Variants in TRIM24 observed in about 807,000 individuals in gnomAD.
TRIM24 encodes tripartite motif containing 24, also known as transcription intermediary factor 1-alpha.
TRIM24 carries 29 observed loss-of-function variants against 123.9 expected under a neutral mutation model. The observed-to-expected ratio is 0.23, with a 90% confidence interval of 0.17 to 0.32. The LOEUF (loss-of-function observed/expected upper bound fraction) is 0.32, where lower values mean the gene tolerates loss of function less well. TRIM24 is among the 10% of genes least tolerant of loss of function. The pLI, the probability that TRIM24 is intolerant of heterozygous loss-of-function variation, is 1.00. For missense variants in TRIM24, 932 were observed against 1,295.3 expected (o/e 0.72, Z 4.31); for synonymous variants, 456 against 461.1 (o/e 0.99, Z 0.14).
chr7:138,511,999 T>C (rs766713049), intron 2 of TRIM24, among the ~76,000 whole-genome samples: 1 of 152,212 alleles, frequency 6.6e-6, no homozygotes, highest in Non-Finnish European at 1.5e-5. Context: ...AATACTCCCA[T>C]TCCAAAATGG....
intron 9 of TRIM24, among the ~76,000 whole-genome samples, chr7:138,561,035 C>T (rs1797416664): frequency 1.3e-5 from 2 of 152,148 alleles, no homozygotes; most frequent in African/African-American, 4.8e-5. Context: ...TTGCCCCCAG[C>T]AGTTAAGGGT....
Position 138,516,818 on chromosome 7 carries a change from T to G in TRIM24, c.631+1459T>G, listed in dbSNP as rs983908744. Among the ~76,000 whole-genome samples the G allele has an allele frequency of 1.7e-4, 26 of 151,672 alleles. 1 individual carries two copies. Among genetic ancestry groups the G allele is most frequent in the Admixed American group, 9.8e-4 (15 of 15,240 alleles). On this transcript the variant is annotated intron_variant, in intron 3 of 18. Coordinates refer to ENST00000343526, the MANE Select transcript of TRIM24 (RefSeq NM_015905.3). ...AAATGTAGCAAAACCGTTTTGTTTTTTTTTTTTTTTTGAGACTAGTGAAAG... is the reference window on the plus strand; with the variant it reads ...AAATGTAGCAAAACCGTTTTGTTTTGTTTTTTTTTTTGAGACTAGTGAAAG...
chr7:138,472,072 A>G (rs545995645), intron 1 of TRIM24, among the ~76,000 whole-genome samples: 190 of 152,274 alleles, frequency 1.2e-3, no homozygotes, highest in South Asian at 2.7e-3. Flanking sequence ...TAGATAGTGA[A>G]AGCCAGATTG....
At chr7:138,573,981 G>A (rs1309591227) in intron 12 of TRIM24, among the ~76,000 whole-genome samples, 3 of 152,132 alleles carry the variant, frequency 2.0e-5, no homozygotes, top group Admixed American at 1.3e-4. Flanking sequence ...TTTTTTGGTA[G>A]AGACAGTCTT....
chr7:138,573,702 T>G, intron 12 of TRIM24, 60 bp downstream of exon 12: 2 of 1,541,340 alleles, frequency 1.3e-6, no homozygotes, highest in Non-Finnish European at 1.7e-6. Flanking sequence ...TTACTTGGAA[T>G]AAAAAATTAC....
chr7:138,469,443 A>G (rs1468027223), intron 1 of TRIM24, among the ~76,000 whole-genome samples: 2 of 151,338 alleles, frequency 1.3e-5, no homozygotes, highest in Non-Finnish European at 2.9e-5. Context: ...CAAGTAGCTG[A>G]GATTACAGGC....
chr7:138,515,765 G>A (rs1796381543), intron 3 of TRIM24, among the ~76,000 whole-genome samples: 2 of 152,070 alleles, frequency 1.3e-5, no homozygotes, highest in Admixed American at 6.6e-5. Context: ...AGCCAGAGAG[G>A]CTTTTTTATG....
At position 138,585,998 on chromosome 7, in the gene TRIM24, G is replaced by A. The variant is rs1563071311; in HGVS notation, c.*1047G>A. 2.3e-6 allele frequency: 1 copy of A among 444,422 alleles called. No homozygotes were observed. The allele number at this position is 444,422 out of a possible 1,614,324, so 27.5% of individuals were successfully genotyped here. On this transcript the variant is annotated 3_prime_UTR_variant, in exon 19 of 19. Transcript: ENST00000343526. ...CAGGCAGCTGGGGGGAATTAATAGT[G>A]ATTTTTTTTTTTTCCTGAAGCATCT... is the stretch of plus-strand genomic sequence containing the variant.
At chr7:138,514,026 G>C (rs1459692601) in intron 2 of TRIM24, among the ~76,000 whole-genome samples, 1 of 152,142 alleles carries the variant, frequency 6.6e-6, no homozygotes, top group Admixed American at 6.6e-5. Flanking sequence ...AGGATTGGCA[G>C]GTATTAAGGA....
intron 7 of TRIM24, among the ~76,000 whole-genome samples, chr7:138,544,301 T>C (rs1797059304): frequency 6.6e-6 from 1 of 152,236 alleles, no homozygotes; most frequent in Non-Finnish European, 1.5e-5. Context: ...CTTATTTCAC[T>C]TACCATAGTG....
At chr7:138,483,144 CCCTACACTCCTCTGGCCTCAAATG>C (rs1295461848) in intron 1 of TRIM24, among the ~76,000 whole-genome samples, 2 of 152,082 alleles carry the variant, frequency 1.3e-5, no homozygotes, top group South Asian at 2.1e-4. Context: ...GGTGTCAAAT[CCCTACACTCCTCTGGCCTCAAATG>C]CCTACACTCC....
At chr7:138,506,933 G>T (rs1324774828) in intron 2 of TRIM24, among the ~76,000 whole-genome samples, 1 of 152,274 alleles carries the variant, frequency 6.6e-6, no homozygotes, top group Non-Finnish European at 1.5e-5. Flanking sequence ...AGGAAAGGAA[G>T]TTACCACCCA....
intron 1 of TRIM24, among the ~76,000 whole-genome samples, chr7:138,484,363 C>G (rs1795600246): frequency 6.6e-6 from 1 of 151,774 alleles, no homozygotes; most frequent in Non-Finnish European, 1.5e-5. Context: ...CCCACCTAGG[C>G]CTCCCAAAGT....
At chr7:138,513,082 A>G (rs1424054428) in intron 2 of TRIM24, among the ~76,000 whole-genome samples, 13 of 152,152 alleles carry the variant, frequency 8.5e-5, no homozygotes, top group Non-Finnish European at 1.5e-5. Flanking sequence ...GCACAGTCCA[A>G]CCAAGCTCTT....
intron 17 of TRIM24, among the ~76,000 whole-genome samples, chr7:138,583,066 G>C (rs1471223520): frequency 6.6e-6 from 1 of 152,150 alleles, no homozygotes; most frequent in African/African-American, 2.4e-5. Flanking sequence ...ACAAAATGCT[G>C]TGAGTTTGGC....
chr7:138,578,204 C>T (rs927187854), intron 14 of TRIM24, among the ~76,000 whole-genome samples: 1 of 151,946 alleles, frequency 6.6e-6, no homozygotes, highest in African/African-American at 2.4e-5. Flanking sequence ...ATTACAGAGT[C>T]TTAGTAAAAA....
At chr7:138,516,219 G>A (rs1034979600) in intron 3 of TRIM24, among the ~76,000 whole-genome samples, 2 of 152,126 alleles carry the variant, frequency 1.3e-5, no homozygotes, top group African/African-American at 2.4e-5. Context: ...GGAGAATGGC[G>A]TGAACCCGGG....
intron 1 of TRIM24, among the ~76,000 whole-genome samples, chr7:138,480,405 A>T (rs1214117390): frequency 6.6e-6 from 1 of 152,206 alleles, no homozygotes; most frequent in Non-Finnish European, 1.5e-5. Flanking sequence ...CATTGAAGGG[A>T]TCATCCATGT....
intron 7 of TRIM24, among the ~76,000 whole-genome samples, chr7:138,547,187 G>GA (rs1222461843): frequency 1.3e-5 from 2 of 152,120 alleles, no homozygotes; most frequent in Non-Finnish European, 2.9e-5. Flanking sequence ...CTTATACGTG[G>GA]AAAAAAGTTA....
Sources: gnomAD v4.1 joint callset for allele counts (sites outside exome capture counted in the v4.1 genomes callset) on GRCh38, gnomAD v4.1.1 for gene constraint, MANE v1.5 for transcripts, NCBI Gene and HGNC (gene_info 2026-07-23, HGNC 2026-07-21) for gene names.